The following BICD1 variants were observed in gnomAD, a reference collection of about 807,000 sequenced individuals.
The protein encoded by BICD1 is BICD cargo adaptor 1.
BICD1 carries 35 observed loss-of-function variants against 92.5 expected under a neutral mutation model. That is an observed-to-expected ratio of 0.38 (90% CI 0.29 to 0.50). The LOEUF is 0.50. Ranked by LOEUF, BICD1 falls within the 20% of genes least tolerant of loss-of-function variation. BICD1 has a pLI of 0.93. For synonymous variants in BICD1, 429 were observed against 465.1 expected, an observed-to-expected ratio of 0.92 and a Z score of 1.00; for missense variants, 950 against 1,189.8, an observed-to-expected ratio of 0.80 and a Z score of 2.97.
intron 1 of BICD1, among the ~76,000 whole-genome samples, chr12:32,123,692 C>A (rs1024031726): frequency 2.2e-4 from 33 of 152,154 alleles, no homozygotes; most frequent in Non-Finnish European, 3.7e-4. Flanking sequence ...GCCTGGCCAA[C>A]ATGGTGAAAC....
intron 1 of BICD1, among the ~76,000 whole-genome samples, chr12:32,131,375 C>A (rs1278256530): frequency 1.3e-5 from 2 of 152,134 alleles, no homozygotes; most frequent in Non-Finnish European, 2.9e-5. Context: ...ATTTCGGTGG[C>A]TCCAGTAAAG....
chr12:32,127,039 ATTCT>A (rs1477212375), intron 1 of BICD1, among the ~76,000 whole-genome samples: 8 of 152,174 alleles, frequency 5.3e-5, no homozygotes, highest in Non-Finnish European at 1.0e-4. Context: ...CTATACTCAT[ATTCT>A]GTATACTAAG....
At chr12:32,308,197 G>A (rs181020189) in intron 4 of BICD1, among the ~76,000 whole-genome samples, 7 of 152,296 alleles carry the variant, frequency 4.6e-5, no homozygotes, top group Non-Finnish European at 1.0e-4. Context: ...ATAGACTGTC[G>A]TTTTCGTTTG....
Position 32,317,786 on chromosome 12 carries a change from C to T in BICD1, c.1006-9675C>T, listed in dbSNP as rs930776705. On this transcript the variant is annotated intron_variant, in intron 4 of 9. Coordinates refer to ENST00000652176, the MANE Select transcript of BICD1 (RefSeq NM_001714.4). ...GTGTTTTAGACATGAAGTCCTTGCC[C>T]GTGCCTATGTCCTGAATGGTATTGC... Among the ~76,000 whole-genome samples the T allele has an allele frequency of 4.5e-4, 69 of 152,120 alleles. 1 individual carries two copies. Among genetic ancestry groups the T allele is most frequent in the Admixed American group, 4.0e-3 (61 of 15,276 alleles).
At chr12:32,166,257 T>A (rs1393298481) in intron 1 of BICD1, among the ~76,000 whole-genome samples, 97 of 151,898 alleles carry the variant, frequency 6.4e-4, no homozygotes, top group African/African-American at 2.3e-3. Flanking sequence ...TGCCTTAGTC[T>A]CCCAAGTAGC....
At position 32,328,736 on chromosome 12, in the gene BICD1, A is replaced by T. The variant is rs1037441532; in HGVS notation, c.2100+181A>T. Among the ~76,000 whole-genome samples, 32 of 152,328 alleles carry T rather than the reference A, an allele frequency of 2.1e-4. No individual in the cohort carries two copies. Among genetic ancestry groups the T allele is most frequent in the Non-Finnish European group, 4.4e-4 (30 of 68,028 alleles). ...AATAATTATTGTTTTTAAATGATGA[A>T]ATACCTGTGCCCAGTTAGGTGGAGG... On this transcript the variant is annotated intron_variant, in intron 5 of 9. Transcript: ENST00000652176. The surrounding 1 kb of genome is among the most constrained non-coding windows in gnomAD (Gnocchi z 4.4).
chr12:32,224,147 A>G (rs1184637529), intron 2 of BICD1, among the ~76,000 whole-genome samples: 1 of 152,192 alleles, frequency 6.6e-6, no homozygotes, highest in Non-Finnish European at 1.5e-5. Flanking sequence ...AGCTGAGTGA[A>G]GCGGACACTT....
At chr12:32,233,552 T>TTCCC (rs1945963552) in intron 2 of BICD1, among the ~76,000 whole-genome samples, 1 of 149,494 alleles carries the variant, frequency 6.7e-6, no homozygotes, top group South Asian at 2.2e-4. Context: ...CCTTCCTTCC[T>TTCCC]TCCCTCCCTC....
At position 32,306,395 on chromosome 12, in the gene BICD1, C is replaced by T. The variant is rs368172147; in HGVS notation, c.1005+273C>T. Among the ~76,000 whole-genome samples, 114 of 152,006 alleles carry T rather than the reference C, an allele frequency of 7.5e-4. 2 individuals are homozygous for T. The East Asian group carries it at 0.021, about 28-fold the overall frequency. On this transcript the variant is annotated intron_variant, in intron 4 of 9. Coordinates refer to ENST00000652176, the MANE Select transcript of BICD1 (RefSeq NM_001714.4). ...AGTAGCTGGGACTACAGGTGCCCGC[C>T]ACCATGCCCGGCTAATTTTTTTGTA...
chr12:32,273,977 C>T (rs1241379761), intron 2 of BICD1, among the ~76,000 whole-genome samples: 1 of 152,174 alleles, frequency 6.6e-6, no homozygotes, highest in Non-Finnish European at 1.5e-5. Flanking sequence ...ACCCTCTTCC[C>T]CCAGTGTGCA....
chr12:32,191,461 A>T lies in BICD1; in HGVS notation c.214-24786A>T, dbSNP rs370270439. On this transcript the variant is annotated intron_variant, in intron 1 of 9. Coordinates refer to ENST00000652176, the MANE Select transcript of BICD1 (RefSeq NM_001714.4). ...AATTGAAGGTTTGTGGCAACCCTGC[A>T]TGGAGCAAGTCTGTTGGCAACGTTT... Among the ~76,000 whole-genome samples the T allele has an allele frequency of 2.0e-5, 3 of 151,724 alleles. No homozygotes were observed. The East Asian group carries it at 5.8e-4, about 29-fold the overall frequency.
At chr12:32,190,469 G>C (rs1478001037) in intron 1 of BICD1, among the ~76,000 whole-genome samples, 2 of 152,176 alleles carry the variant, frequency 1.3e-5, no homozygotes, top group East Asian at 3.8e-4. Flanking sequence ...AGACTAAATA[G>C]ACTTTCAGTC....
intron 8 of BICD1, among the ~76,000 whole-genome samples, chr12:32,345,841 G>A (rs1315142575): frequency 6.6e-6 from 1 of 152,196 alleles, no homozygotes; most frequent in Non-Finnish European, 1.5e-5. Flanking sequence ...TAGTAGTCTA[G>A]TAGTCATGTT....
At chr12:32,199,662 C>T (rs1944847288) in intron 1 of BICD1, among the ~76,000 whole-genome samples, 1 of 152,184 alleles carries the variant, frequency 6.6e-6, no homozygotes, top group South Asian at 2.1e-4. Flanking sequence ...TAATCTATAG[C>T]TAAGGTCTGA....
At chr12:32,278,305 A>G (rs1295978787) in intron 2 of BICD1, among the ~76,000 whole-genome samples, 2 of 152,246 alleles carry the variant, frequency 1.3e-5, no homozygotes, top group Non-Finnish European at 2.9e-5. Context: ...TCATAGAAGA[A>G]AATTGTCATG....
chr12:32,133,784 C>CTTTT (rs34183365), intron 1 of BICD1, among the ~76,000 whole-genome samples: 2 of 140,108 alleles, frequency 1.4e-5, no homozygotes, highest in South Asian at 4.6e-4. Context: ...GATGCCAGTT[C>CTTTT]TTTTTTTTTT....
intron 1 of BICD1, among the ~76,000 whole-genome samples, chr12:32,111,708 C>T (rs1011926247): frequency 4.6e-5 from 7 of 150,670 alleles, no homozygotes; most frequent in East Asian, 2.0e-4. Context: ...CCCGGGTTCA[C>T]GCCATTCTCC....
chr12:32,358,668 C>G (rs945070395), intron 8 of BICD1, among the ~76,000 whole-genome samples: 1 of 151,840 alleles, frequency 6.6e-6, no homozygotes, highest in African/African-American at 2.4e-5. Flanking sequence ...ACCCGGGAGG[C>G]GGAGGTTGCA....
intron 1 of BICD1, 53 bp downstream of exon 1, chr12:32,107,597 A>C (rs896869629): frequency 6.6e-7 from 1 of 1,512,664 alleles, no homozygotes; most frequent in Non-Finnish European, 8.9e-7. Flanking sequence ...CCCACCCGCA[A>C]GGCCCACTCA....
Sources: gnomAD v4.1 joint callset for allele counts (sites outside exome capture counted in the v4.1 genomes callset) on GRCh38, gnomAD v4.1.1 for gene constraint, Gnocchi (gnomAD v3.1) non-coding constraint, MANE v1.5 for transcripts, NCBI Gene and HGNC (gene_info 2026-07-23, HGNC 2026-07-21) for gene names.